Variants in HS6ST3 observed in about 807,000 individuals in gnomAD.
HS6ST3 encodes the protein heparan sulfate 6-O-sulfotransferase 3, also known as heparan-sulfate 6-O-sulfotransferase 3.
A neutral mutation model predicts 36.7 loss-of-function variants in HS6ST3; 12 were observed. The ratio of observed to expected loss-of-function variants is 0.33; its 90% CI spans 0.21 to 0.53. HS6ST3 has a LOEUF of 0.53. HS6ST3 is among the 20% of genes least tolerant of loss of function. The pLI, the probability that HS6ST3 is intolerant of heterozygous loss-of-function variation, is 0.95. For synonymous variants in HS6ST3, 240 were observed against 257.5 expected, an observed-to-expected ratio of 0.93 and a Z score of 0.65; for missense variants, 584 against 640.9, an observed-to-expected ratio of 0.91 and a Z score of 0.96.
chr13:96,171,545 A>G (rs1481793193), intron 1 of HS6ST3, among the ~76,000 whole-genome samples: 4 of 152,154 alleles, frequency 2.6e-5, no homozygotes, highest in African/African-American at 9.7e-5. Context: ...CTCATACTAT[A>G]TTTGAACTTT....
intron 1 of HS6ST3, among the ~76,000 whole-genome samples, chr13:96,284,021 G>C (rs7331395): frequency 6.6e-6 from 1 of 151,898 alleles, no homozygotes; most frequent in Admixed American, 6.6e-5. Context: ...GTACATTTTT[G>C]TTCCATTTGT....
chr13:96,303,945 C>G (rs1728281622), intron 1 of HS6ST3, among the ~76,000 whole-genome samples: 2 of 151,956 alleles, frequency 1.3e-5, no homozygotes, highest in South Asian at 2.1e-4. Context: ...GAGTTCGAGA[C>G]CAGTCTGGCC....
chr13:96,565,710 A>G (rs1317201636), intron 1 of HS6ST3, among the ~76,000 whole-genome samples: 1 of 152,166 alleles, frequency 6.6e-6, no homozygotes, highest in Non-Finnish European at 1.5e-5. Context: ...TTAAGGTTCT[A>G]AAATCTGTGG....
At chr13:96,644,079 T>C (rs661703) in intron 1 of HS6ST3, among the ~76,000 whole-genome samples, 150,589 of 152,010 alleles carry the variant, frequency 0.99, 74,603 homozygotes, top group Middle Eastern at 1. Flanking sequence ...CCACTGATGC[T>C]ACTTCTCACT....
intron 1 of HS6ST3, among the ~76,000 whole-genome samples, chr13:96,595,840 T>C (rs2056399534): frequency 6.7e-6 from 1 of 148,420 alleles, no homozygotes; most frequent in Non-Finnish European, 1.5e-5. Context: ...TTTTAATTTC[T>C]TTTTTTTTTC....
intron 1 of HS6ST3, among the ~76,000 whole-genome samples, chr13:96,383,384 G>T (rs1021134459): frequency 1.6e-4 from 25 of 152,184 alleles, no homozygotes; most frequent in African/African-American, 6.0e-4. Flanking sequence ...AAACTGGGAG[G>T]CAGAGGTTGC....
chr13:96,677,432 A>G (rs1391372590), intron 1 of HS6ST3, among the ~76,000 whole-genome samples: 3 of 152,114 alleles, frequency 2.0e-5, no homozygotes, highest in Non-Finnish European at 2.9e-5. Flanking sequence ...GTCTTCCTAC[A>G]ATGGTCATGT....
chr13:96,791,371 G>T (rs1156580535), intron 1 of HS6ST3, among the ~76,000 whole-genome samples: 1 of 152,010 alleles, frequency 6.6e-6, no homozygotes, highest in Non-Finnish European at 1.5e-5. Context: ...GACATGGAAA[G>T]TACAAGTTGT....
intron 1 of HS6ST3, among the ~76,000 whole-genome samples, chr13:96,401,271 A>G (rs1033849980): frequency 2.6e-5 from 4 of 152,180 alleles, no homozygotes; most frequent in African/African-American, 7.2e-5. Context: ...CATAGGGGAC[A>G]TTTGAAACTG....
At chr13:96,188,272 T>C (rs780054548) in intron 1 of HS6ST3, among the ~76,000 whole-genome samples, 2 of 152,200 alleles carry the variant, frequency 1.3e-5, no homozygotes, top group Non-Finnish European at 2.9e-5. Flanking sequence ...GATTTTTAGA[T>C]AAAGTTGAAT....
In HS6ST3 at chr13:96,765,080, T is replaced by C. The variant is rs1272206756; in HGVS notation, c.708-67410T>C. Among the ~76,000 whole-genome samples the C allele has an allele frequency of 1.7e-3, 243 of 145,166 alleles. 1 individual carries two copies. Among genetic ancestry groups the C allele is most frequent in the African/African-American group, 5.9e-3 (231 of 39,354 alleles). On this transcript the variant is annotated intron_variant, in intron 1 of 1. Transcript: ENST00000376705. ...TCTTTCTTTTTTTTTTTTTTTTTTT[T>C]TTTTGAGACGGAGTCTCGCTCTGTC...
intron 1 of HS6ST3, among the ~76,000 whole-genome samples, chr13:96,593,116 T>G (rs1566406127): frequency 6.6e-6 from 1 of 151,428 alleles, no homozygotes; most frequent in African/African-American, 2.4e-5. Context: ...TAAGTATGCT[T>G]CATTGTTTTT....
intron 1 of HS6ST3, among the ~76,000 whole-genome samples, chr13:96,809,949 G>T (rs891134094): frequency 2.0e-5 from 3 of 152,168 alleles, no homozygotes; most frequent in Non-Finnish European, 4.4e-5. Context: ...GTGAATTACT[G>T]GTACTGGTAC....
At chr13:96,653,075 C>G (rs1356486416) in intron 1 of HS6ST3, among the ~76,000 whole-genome samples, 1 of 151,948 alleles carries the variant, frequency 6.6e-6, no homozygotes, top group Non-Finnish European at 1.5e-5. Context: ...TTGCTAAACT[C>G]TTTTCTGAGG....
chr13:96,576,082 TG>T (rs1566401437), intron 1 of HS6ST3, among the ~76,000 whole-genome samples: 1 of 152,028 alleles, frequency 6.6e-6, no homozygotes. Flanking sequence ...CTGCCAGGAA[TG>T]GGGGAGAGGG....
At chr13:96,385,520 G>A (rs540827467) in intron 1 of HS6ST3, among the ~76,000 whole-genome samples, 1 of 152,280 alleles carries the variant, frequency 6.6e-6, no homozygotes, top group African/African-American at 2.4e-5. Context: ...ACTCTGGGAT[G>A]GGCTAGTGGA....
chr13:96,195,635 G>A (rs2054308567), intron 1 of HS6ST3, among the ~76,000 whole-genome samples: 1 of 152,152 alleles, frequency 6.6e-6, no homozygotes, highest in Admixed American at 6.6e-5. Flanking sequence ...ATAAGGATGG[G>A]AGTGAGCTCT....
chr13:96,592,131 T>G (rs2056384483), intron 1 of HS6ST3, among the ~76,000 whole-genome samples: 1 of 152,160 alleles, frequency 6.6e-6, no homozygotes. Context: ...TGCATCCATA[T>G]TCATCAAGGA....
At chr13:96,800,000 A>ATATATATATATATG (rs1878026396) in intron 1 of HS6ST3, among the ~76,000 whole-genome samples, 1 of 89,392 alleles carries the variant, frequency 1.1e-5, no homozygotes, top group African/African-American at 5.5e-5. Context: ...ATATATATGT[A>ATATATATATATATG]TATATATATA....
Sources: allele counts gnomAD v4.1 joint callset (sites outside exome capture counted in the v4.1 genomes callset), GRCh38; gene constraint gnomAD v4.1.1; transcripts MANE v1.5; gene names NCBI Gene and HGNC (gene_info 2026-07-23, HGNC 2026-07-21).